Variants in MAGI2 observed in about 807,000 individuals in gnomAD.
The protein encoded by MAGI2 is membrane associated guanylate kinase, WW and PDZ domain containing 2.
Under a neutral mutation model 133.3 loss-of-function variants are expected in MAGI2, and 35 were observed. The ratio of observed to expected loss-of-function variants is 0.26; its 90% confidence interval spans 0.20 to 0.35. The LOEUF is 0.35. Among genes scored for constraint, MAGI2 ranks in the 10% least tolerant of loss-of-function variants. The pLI, the probability that MAGI2 is intolerant of heterozygous loss-of-function variation, is 1.00. For missense variants in MAGI2, 1,636 were observed against 1,863.4 expected (o/e 0.88, Z 2.25); for synonymous variants, 729 against 710.6 (o/e 1.03, Z -0.41).
intron 21 of MAGI2, among the ~76,000 whole-genome samples, chr7:78,059,692 C>G (rs1490646610): frequency 6.6e-6 from 1 of 151,992 alleles, no homozygotes; most frequent in Non-Finnish European, 1.5e-5. Context: ...GGTTTGTACT[C>G]TCTTATTCTA....
chr7:78,955,973 TTGC>T (rs1347137514), intron 2 of MAGI2, among the ~76,000 whole-genome samples: 1 of 151,954 alleles, frequency 6.6e-6, no homozygotes, highest in Non-Finnish European at 1.5e-5. Context: ...TATAAACTCC[TTGC>T]TGTTTGTGGT....
At chr7:78,665,537 C>T (rs10277568) in intron 2 of MAGI2, among the ~76,000 whole-genome samples, 8,711 of 148,092 alleles carry the variant, frequency 0.059, 310 homozygotes, top group African/African-American at 0.1. Flanking sequence ...GCTTTAATTT[C>T]TTTTCTAATC....
intron 2 of MAGI2, among the ~76,000 whole-genome samples, chr7:78,695,354 T>C (rs143272860): frequency 2.5e-3 from 377 of 152,350 alleles, no homozygotes; most frequent in African/African-American, 8.4e-3. Flanking sequence ...GCACTGACAG[T>C]CACATTTACA....
At chr7:79,157,935 T>TGTATGA (rs1261148106) in intron 1 of MAGI2, among the ~76,000 whole-genome samples, 61 of 49,408 alleles carry the variant, frequency 1.2e-3, no homozygotes, top group African/African-American at 2.6e-3. Context: ...ACAGAATCTT[T>TGTATGA]GTGTGAGTGT....
At chr7:79,235,115 G>A (rs1331995974) in intron 1 of MAGI2, among the ~76,000 whole-genome samples, 1 of 151,716 alleles carries the variant, frequency 6.6e-6, no homozygotes, top group Non-Finnish European at 1.5e-5. Flanking sequence ...CGGGGGTCAG[G>A]GGTCAGGGAC....
chr7:78,934,017 C>T (rs931500503), intron 2 of MAGI2, among the ~76,000 whole-genome samples: 12 of 152,050 alleles, frequency 7.9e-5, no homozygotes, highest in Admixed American at 4.6e-4. Flanking sequence ...TTCAAGCCTG[C>T]CATTGTCTGT....
chr7:79,169,189 T>A (rs1160418664), intron 1 of MAGI2, among the ~76,000 whole-genome samples: 1 of 152,010 alleles, frequency 6.6e-6, no homozygotes, highest in Admixed American at 6.6e-5. Context: ...CCTCCATAAA[T>A]GTTGGTATTC....
chr7:78,973,508 G>T lies in MAGI2; in HGVS notation c.418+33582C>A, dbSNP rs1386739965. Among the ~76,000 whole-genome samples the T allele has an allele frequency of 4.0e-5, 6 of 151,644 alleles. 1 individual carries two copies. The South Asian group carries it at 8.3e-4, about 21-fold the overall frequency. On this transcript the variant is annotated intron_variant, in intron 2 of 21. Transcript: ENST00000354212. ...CAAACAGCCTTAAGTTGTAATTATA[G>T]ATTCACTGTGATGGACTCTAGAGAA...
At chr7:79,216,275 C>G (rs1830031758) in intron 1 of MAGI2, among the ~76,000 whole-genome samples, 1 of 151,902 alleles carries the variant, frequency 6.6e-6, no homozygotes, top group African/African-American at 2.4e-5. Context: ...TCCACTCCAT[C>G]CCCTTTGTAG....
intron 2 of MAGI2, among the ~76,000 whole-genome samples, chr7:78,743,958 C>G (rs1465724847): frequency 6.6e-6 from 1 of 152,202 alleles, no homozygotes; most frequent in African/African-American, 2.4e-5. Context: ...TCTTTTTAAT[C>G]TACTTTTTGT....
chr7:79,182,268 G>C (rs1049319032), intron 1 of MAGI2, among the ~76,000 whole-genome samples: 2 of 151,962 alleles, frequency 1.3e-5, no homozygotes, highest in South Asian at 4.2e-4. Context: ...AGGTTTATTG[G>C]ATTAACAGTT....
chr7:79,288,756 C>T (rs887133674), intron 1 of MAGI2, among the ~76,000 whole-genome samples: 8 of 152,192 alleles, frequency 5.3e-5, no homozygotes, highest in South Asian at 2.1e-4. Context: ...TCAAGAGAGA[C>T]GGGAAGGCAA....
chr7:78,296,652 C>A (rs1027082418), intron 9 of MAGI2, among the ~76,000 whole-genome samples: 2 of 152,140 alleles, frequency 1.3e-5, no homozygotes, highest in Admixed American at 1.3e-4. Context: ...AATATAGAAG[C>A]ATTTATTAGC....
chr7:78,555,188 G>A (rs1192011718), intron 3 of MAGI2, among the ~76,000 whole-genome samples: 4 of 98,440 alleles, frequency 4.1e-5, no homozygotes, highest in South Asian at 3.2e-4. Context: ...GATAGAGGAC[G>A]GTTGGATGGA....
intron 1 of MAGI2, among the ~76,000 whole-genome samples, chr7:79,197,882 C>T (rs1828230420): frequency 6.6e-6 from 1 of 151,880 alleles, no homozygotes; most frequent in Non-Finnish European, 1.5e-5. Flanking sequence ...TCACAAAGAC[C>T]CCATCTCTTA....
intron 1 of MAGI2, chr7:79,351,678 A>T (rs1046552870): frequency 6.6e-6 from 1 of 152,234 alleles, no homozygotes; most frequent in South Asian, 2.1e-4. Context: ...ATTACAATTC[A>T]TGGAATATTT....
chr7:79,168,820 T>G (rs1825199447), intron 1 of MAGI2, among the ~76,000 whole-genome samples: 2 of 151,326 alleles, frequency 1.3e-5, no homozygotes, highest in Non-Finnish European at 2.9e-5. Context: ...AGATGGACCC[T>G]CTATTAGTGA....
At chr7:78,637,507 C>A (rs917269324) in intron 2 of MAGI2, among the ~76,000 whole-genome samples, 1 of 151,206 alleles carries the variant, frequency 6.6e-6, no homozygotes, top group Non-Finnish European at 1.5e-5. Context: ...AAATAGATGA[C>A]AAATGAAAAA....
chr7:79,202,819 A>T (rs1828728218), intron 1 of MAGI2, among the ~76,000 whole-genome samples: 1 of 151,974 alleles, frequency 6.6e-6, no homozygotes, highest in Non-Finnish European at 1.5e-5. Flanking sequence ...TTGTGATTTC[A>T]TCCAGGTTCA....
Sources: gnomAD v4.1 joint callset for allele counts (sites outside exome capture counted in the v4.1 genomes callset) on GRCh38, gnomAD v4.1.1 for gene constraint, MANE v1.5 for transcripts, NCBI Gene and HGNC (gene_info 2026-07-23, HGNC 2026-07-21) for gene names.